The following CFAP210 variants were observed in gnomAD, a reference collection of about 807,000 sequenced individuals.
CFAP210 encodes the protein cilia- and flagella- associated protein 210.
At chr2:169,645,794 CAT>C in the CFAP210 span, 3 of 1,182,824 alleles carry the variant, frequency 2.5e-6, no homozygotes, top group African/African-American at 1.5e-5. Context: ...ATTTGAAGCT[CAT>C]ATATGCTACA....
the CFAP210 span, among the ~76,000 whole-genome samples, chr2:169,676,390 C>T: frequency 7.9e-5 from 12 of 151,876 alleles, no homozygotes; most frequent in Non-Finnish European, 1.6e-4. Flanking sequence ...GGATATATCC[C>T]CATCCCCTAT....
chr2:169,659,973 AT>A, the CFAP210 span, among the ~76,000 whole-genome samples: 1 of 152,056 alleles, frequency 6.6e-6, no homozygotes. Context: ...GATCTTTTGA[AT>A]TTCTGCAGCA....
the CFAP210 span, among the ~76,000 whole-genome samples, chr2:169,686,486 A>G: frequency 1.3e-5 from 2 of 152,210 alleles, no homozygotes; most frequent in Non-Finnish European, 2.9e-5. Flanking sequence ...TCTTAGAATT[A>G]TAGAGGCTCA....
the CFAP210 span, among the ~76,000 whole-genome samples, chr2:169,678,562 C>T: frequency 1.3e-4 from 20 of 152,048 alleles, no homozygotes; most frequent in African/African-American, 4.1e-4. Flanking sequence ...CAGTGTCTCA[C>T]GCCTGTAATC....
the CFAP210 span, among the ~76,000 whole-genome samples, chr2:169,679,265 G>C: frequency 5.3e-5 from 8 of 152,176 alleles, no homozygotes; most frequent in Admixed American, 4.6e-4. Flanking sequence ...TACATGCGCA[G>C]GTTTGTTACA....
the CFAP210 span, among the ~76,000 whole-genome samples, chr2:169,652,676 G>A: frequency 6.6e-6 from 1 of 152,022 alleles, no homozygotes; most frequent in Non-Finnish European, 1.5e-5. Context: ...ATTGCTGGAG[G>A]AGAGGGACAG....
chr2:169,685,813 C>T, the CFAP210 span, among the ~76,000 whole-genome samples: 1 of 151,874 alleles, frequency 6.6e-6, no homozygotes, highest in African/African-American at 2.4e-5. Flanking sequence ...ATTTGGGAGT[C>T]AAAATTCATT....
chr2:169,674,554 A>G, the CFAP210 span: 1 of 1,533,282 alleles, frequency 6.5e-7, no homozygotes, highest in Admixed American at 2.4e-5. Context: ...AAGGTACAAA[A>G]AGGTATTTTA....
At chr2:169,683,537 G>A in the CFAP210 span, among the ~76,000 whole-genome samples, 1 of 152,234 alleles carries the variant, frequency 6.6e-6, no homozygotes. Flanking sequence ...TGCTAGGCAT[G>A]TTAATATCTT....
At chr2:169,683,339 G>C in the CFAP210 span, among the ~76,000 whole-genome samples, 1 of 152,138 alleles carries the variant, frequency 6.6e-6, no homozygotes, top group Non-Finnish European at 1.5e-5. Context: ...CCGTATCTGG[G>C]GATTGTGGTG....
chr2:169,650,423 G>A, the CFAP210 span: 1 of 1,605,604 alleles, frequency 6.2e-7, no homozygotes, highest in South Asian at 1.1e-5. Context: ...CTCAGCTTCT[G>A]CAATATCTCT....
chr2:169,694,385 TGGA>T, the CFAP210 span: 1 of 1,554,580 alleles, frequency 6.4e-7, no homozygotes, highest in Non-Finnish European at 8.9e-7. Flanking sequence ...CGCCAGCCGG[TGGA>T]GTTGTTACTC....
the CFAP210 span, among the ~76,000 whole-genome samples, chr2:169,652,930 G>A: frequency 6.4e-5 from 9 of 141,312 alleles, no homozygotes; most frequent in Admixed American, 6.5e-4. Context: ...AACCCGGGAG[G>A]TGGAGCTTGC....
chr2:169,681,917 C>G, the CFAP210 span, among the ~76,000 whole-genome samples: 1 of 152,118 alleles, frequency 6.6e-6, no homozygotes, highest in East Asian at 1.9e-4. Context: ...GATAAACCAG[C>G]CTTGAATGAA....
At chr2:169,689,072 A>G in the CFAP210 span, among the ~76,000 whole-genome samples, 1 of 152,200 alleles carries the variant, frequency 6.6e-6, no homozygotes, top group Non-Finnish European at 1.5e-5. Context: ...AAGAAGCAAA[A>G]GTGGAAATCC....
chr2:169,672,600 T>C, the CFAP210 span, among the ~76,000 whole-genome samples: 1 of 152,178 alleles, frequency 6.6e-6, no homozygotes, highest in Non-Finnish European at 1.5e-5. Context: ...TGGAATCTGA[T>C]GTCCAAGGGC....
At chr2:169,658,729 T>C in the CFAP210 span, 1 of 321,214 alleles carries the variant, frequency 3.1e-6, no homozygotes, top group South Asian at 3.0e-5. Flanking sequence ...TATTGCATCA[T>C]GGATTTAATT....
chr2:169,682,685 C>G, the CFAP210 span, among the ~76,000 whole-genome samples: 2 of 152,026 alleles, frequency 1.3e-5, no homozygotes, highest in African/African-American at 4.8e-5. Context: ...AGGAAATTCA[C>G]CAAAATAGGA....
the CFAP210 span, among the ~76,000 whole-genome samples, chr2:169,677,184 T>A: frequency 2.0e-5 from 3 of 152,178 alleles, no homozygotes; most frequent in Non-Finnish European, 4.4e-5. Flanking sequence ...CTTCACAGTT[T>A]CGAGTACTCT....
Sources: allele counts gnomAD v4.1 joint callset (sites outside exome capture counted in the v4.1 genomes callset), GRCh38; gene constraint gnomAD v4.1.1; transcripts MANE v1.5; gene names NCBI Gene and HGNC (gene_info 2026-07-23, HGNC 2026-07-21).